TF: variants seen among roughly 807,000 people sequenced by gnomAD.
TF encodes the protein serotransferrin.
In TF, 55 loss-of-function variants were observed where a neutral mutation model predicts 82.4. The observed-to-expected ratio is 0.67, with a 90% CI of 0.54 to 0.84. The LOEUF (loss-of-function observed/expected upper bound fraction) is 0.84, where lower values mean the gene tolerates loss of function less well. Ranked by LOEUF, TF falls within the 40% of genes least tolerant of loss-of-function variation. The pLI, the probability that TF is intolerant of heterozygous loss-of-function variation, is 0.00. For synonymous variants in TF, 332 were observed against 332.6 expected (o/e 1.00, Z 0.02); for missense variants, 737 against 868.4 (o/e 0.85, Z 1.90).
At chr3:133,750,352 A>G (rs1042379523) in intron 2 of TF, among the ~76,000 whole-genome samples, 2 of 152,148 alleles carry the variant, frequency 1.3e-5, no homozygotes, top group African/African-American at 4.8e-5. Context: ...AGTGTGGGAA[A>G]TTCTACAGTT....
At chr3:133,757,628 G>A (rs1242146560) in intron 7 of TF, 141 bp from the exon 8 acceptor site, 6 of 772,736 alleles carry the variant, frequency 7.8e-6, no homozygotes, top group Non-Finnish European at 1.3e-5. Context: ...GGGTGAGCAG[G>A]AGCAGGTCCG....
the TF span, among the ~76,000 whole-genome samples, chr3:133,740,690 T>C: frequency 6.6e-6 from 1 of 152,148 alleles, no homozygotes; most frequent in African/African-American, 2.4e-5. Flanking sequence ...TGAAAAAACA[T>C]TTGGAATTTG....
upstream of TF, among the ~76,000 whole-genome samples, chr3:133,744,931 A>G (rs891420882): frequency 2.6e-5 from 4 of 152,246 alleles, no homozygotes; most frequent in Admixed American, 6.5e-5. Flanking sequence ...GGAGCCTTTC[A>G]GGTGTCCTAA....
the TF span, among the ~76,000 whole-genome samples, chr3:133,720,302 A>T: frequency 2.0e-5 from 3 of 152,122 alleles, no homozygotes; most frequent in Admixed American, 1.3e-4. Context: ...AGTTTTTATC[A>T]TGAAGTGAGG....
At chr3:133,728,813 G>A in the TF span, among the ~76,000 whole-genome samples, 3 of 152,182 alleles carry the variant, frequency 2.0e-5, no homozygotes, top group Non-Finnish European at 2.9e-5. Flanking sequence ...TGATGATGGT[G>A]ATGTACAGAT....
At chr3:133,732,087 G>A in the TF span, among the ~76,000 whole-genome samples, 4 of 152,144 alleles carry the variant, frequency 2.6e-5, no homozygotes, top group African/African-American at 9.7e-5. Flanking sequence ...CTGTGCACAT[G>A]GGACTTAGAA....
the TF span, chr3:133,688,400 A>T: frequency 1.3e-5 from 2 of 152,258 alleles, no homozygotes; most frequent in East Asian, 3.8e-4. Context: ...AGTGGAAGAA[A>T]GCCTATACTT....
chr3:133,708,433 AGTG>A, the TF span, among the ~76,000 whole-genome samples: 1 of 152,154 alleles, frequency 6.6e-6, no homozygotes, highest in African/African-American at 2.4e-5. Flanking sequence ...AGGGAGCAGT[AGTG>A]TTAGTCTGTT....
intron 9 of TF, among the ~76,000 whole-genome samples, 190 bp downstream of exon 9, chr3:133,759,519 A>G (rs1933930285): frequency 6.6e-6 from 1 of 152,204 alleles, no homozygotes; most frequent in Non-Finnish European, 1.5e-5. Flanking sequence ...GGGTGCCCAC[A>G]GGGCTCAGTT....
the TF span, among the ~76,000 whole-genome samples, chr3:133,684,757 C>A: frequency 5.1e-4 from 78 of 152,282 alleles, no homozygotes; most frequent in Middle Eastern, 3.4e-3. Flanking sequence ...GGATTCACAG[C>A]CAAATTCTAC....
At chr3:133,719,126 G>A in the TF span, among the ~76,000 whole-genome samples, 1 of 152,128 alleles carries the variant, frequency 6.6e-6, no homozygotes, top group East Asian at 1.9e-4. Flanking sequence ...ATGGGATTAG[G>A]GGAACAAATG....
the TF span, among the ~76,000 whole-genome samples, chr3:133,704,997 G>T: frequency 6.6e-6 from 1 of 152,182 alleles, no homozygotes; most frequent in Non-Finnish European, 1.5e-5. Context: ...GTGATGGGTC[G>T]GGCGTGGTGG....
chr3:133,747,574 C>T (rs1026529162), intron 1 of TF, among the ~76,000 whole-genome samples: 1 of 152,188 alleles, frequency 6.6e-6, no homozygotes, highest in Non-Finnish European at 1.5e-5. Flanking sequence ...AGGGCAAAAG[C>T]TCATGTGATA....
chr3:133,756,371 C>A, intron 6 of TF, 34 bp downstream of exon 6: 1 of 1,605,388 alleles, frequency 6.2e-7, no homozygotes, highest in Non-Finnish European at 8.5e-7. Context: ...CAGGGCCACT[C>A]CAAGTAGTGG....
At chr3:133,719,604 G>A in the TF span, among the ~76,000 whole-genome samples, 31 of 152,190 alleles carry the variant, frequency 2.0e-4, no homozygotes, top group African/African-American at 7.0e-4. Context: ...GGGGTCTTTA[G>A]TGATTCCATA....
the TF span, among the ~76,000 whole-genome samples, chr3:133,738,417 C>G: frequency 6.6e-6 from 1 of 152,188 alleles, no homozygotes; most frequent in East Asian, 1.9e-4. Context: ...CAAGGATGCC[C>G]TCTCTTCCCA....
At chr3:133,695,878 G>C in the TF span, among the ~76,000 whole-genome samples, 1 of 152,196 alleles carries the variant, frequency 6.6e-6, no homozygotes, top group Non-Finnish European at 1.5e-5. Flanking sequence ...TAACAGGTAG[G>C]TAACGTAGAC....
chr3:133,754,700 G>A (rs546197673), intron 4 of TF, 29 bp downstream of exon 4: 19 of 1,612,948 alleles, frequency 1.2e-5, no homozygotes, highest in Non-Finnish European at 1.4e-5. Flanking sequence ...GGGTGCCCTC[G>A]AGCAGCTGCC....
the TF span, among the ~76,000 whole-genome samples, chr3:133,731,893 T>C: frequency 2.0e-5 from 3 of 152,174 alleles, no homozygotes; most frequent in African/African-American, 7.2e-5. Context: ...CATGTGACAA[T>C]ACTCAGTGAA....
Sources: allele counts gnomAD v4.1 joint callset (sites outside exome capture counted in the v4.1 genomes callset), GRCh38; gene constraint gnomAD v4.1.1; transcripts MANE v1.5; gene names NCBI Gene and HGNC (gene_info 2026-07-23, HGNC 2026-07-21).